The following EYA2 variants were observed in gnomAD, a reference collection of about 807,000 sequenced individuals.
EYA2 encodes EYA transcriptional coactivator and phosphatase 2, also known as protein phosphatase EYA2.
Under a neutral mutation model 69.2 loss-of-function variants are expected in EYA2, and 31 were observed. The observed-to-expected ratio is 0.45, with a 90% CI of 0.34 to 0.60. The LOEUF (loss-of-function observed/expected upper bound fraction) is 0.60, where lower values mean the gene tolerates loss of function less well. EYA2 is among the 20% of genes least tolerant of loss of function. The pLI is 0.02. For synonymous variants in EYA2, 257 were observed against 279.4 expected, an observed-to-expected ratio of 0.92 and a Z score of 0.80; for missense variants, 622 against 701.2, an observed-to-expected ratio of 0.89 and a Z score of 1.28.
chr20:46,970,593 A>G (rs1449388636), intron 1 of EYA2, among the ~76,000 whole-genome samples: 1 of 152,226 alleles, frequency 6.6e-6, no homozygotes, highest in Non-Finnish European at 1.5e-5. Flanking sequence ...ATAGGGTAAA[A>G]AAACCCAAAC....
chr20:47,069,194 G>C (rs1245232467), intron 5 of EYA2, among the ~76,000 whole-genome samples: 1 of 152,090 alleles, frequency 6.6e-6, no homozygotes, highest in Admixed American at 6.6e-5. Flanking sequence ...ATACTACCTG[G>C]TTTCAAAACT....
chr20:47,034,265 C>CT (rs1318055611), intron 5 of EYA2, among the ~76,000 whole-genome samples: 1 of 152,144 alleles, frequency 6.6e-6, no homozygotes, highest in Non-Finnish European at 1.5e-5. Flanking sequence ...ATAAAGTCTT[C>CT]TCAGACAAAT....
At chr20:46,906,641 G>A (rs1239905553) in intron 1 of EYA2, among the ~76,000 whole-genome samples, 3 of 152,190 alleles carry the variant, frequency 2.0e-5, no homozygotes, top group Non-Finnish European at 2.9e-5. Flanking sequence ...ATAATTCTAC[G>A]ATGAAAGTAC....
intron 15 of EYA2, among the ~76,000 whole-genome samples, chr20:47,186,348 C>CTTTTTTTT (rs765874138): frequency 8.3e-4 from 60 of 72,292 alleles, no homozygotes; most frequent in Non-Finnish European, 1.4e-3. Flanking sequence ...AGCACTTATT[C>CTTTTTTTT]TTTTTTTTTT....
chr20:47,124,006 G>T (rs563264092), intron 9 of EYA2, among the ~76,000 whole-genome samples: 2 of 151,798 alleles, frequency 1.3e-5, no homozygotes, highest in Non-Finnish European at 2.9e-5. Context: ...GTGGGGGAGT[G>T]GGGGGCCTAA....
At chr20:46,916,530 T>A (rs1984914220) in intron 1 of EYA2, among the ~76,000 whole-genome samples, 1 of 152,146 alleles carries the variant, frequency 6.6e-6, no homozygotes, top group Non-Finnish European at 1.5e-5. Flanking sequence ...TTTATAGACT[T>A]TGCACCAAGT....
intron 5 of EYA2, among the ~76,000 whole-genome samples, chr20:47,019,830 A>G (rs1314034094): frequency 6.6e-6 from 1 of 151,648 alleles, no homozygotes; most frequent in Non-Finnish European, 1.5e-5. Context: ...TTATCTGGGC[A>G]TGGTGATGCA....
At chr20:47,078,073 A>G (rs2031579031) in intron 7 of EYA2, among the ~76,000 whole-genome samples, 2 of 152,226 alleles carry the variant, frequency 1.3e-5, no homozygotes, top group Admixed American at 6.5e-5. Context: ...CATTCCCATC[A>G]GGAGTGAATA....
intron 1 of EYA2, among the ~76,000 whole-genome samples, chr20:46,972,324 G>T (rs1263775270): frequency 6.6e-6 from 1 of 151,072 alleles, no homozygotes; most frequent in Non-Finnish European, 1.5e-5. Flanking sequence ...GGTCATTTGG[G>T]TATTAATTAC....
chr20:47,110,814 A>G (rs1189254074), intron 9 of EYA2, among the ~76,000 whole-genome samples: 2 of 152,226 alleles, frequency 1.3e-5, no homozygotes, highest in Non-Finnish European at 2.9e-5. Context: ...TTCACCCACA[A>G]GGGAGCAGAC....
At chr20:47,114,343 C>T (rs150266802) in intron 9 of EYA2, among the ~76,000 whole-genome samples, 20 of 152,352 alleles carry the variant, frequency 1.3e-4, no homozygotes, top group African/African-American at 4.6e-4. Flanking sequence ...TGGCCGGCCA[C>T]GGTGGCTCAT....
At chr20:46,929,164 A>C (rs1446361029) in intron 1 of EYA2, among the ~76,000 whole-genome samples, 1 of 151,824 alleles carries the variant, frequency 6.6e-6, no homozygotes, top group Non-Finnish European at 1.5e-5. Context: ...AAAAAAAAAA[A>C]AAAAAAAAGA....
At chr20:47,123,126 T>C (rs2033094971) in intron 9 of EYA2, among the ~76,000 whole-genome samples, 2 of 152,246 alleles carry the variant, frequency 1.3e-5, no homozygotes, top group Admixed American at 1.3e-4. Context: ...GTACCTCCTA[T>C]GTAGTAAAGA....
At chr20:46,957,972 A>G (rs890336637) in intron 1 of EYA2, among the ~76,000 whole-genome samples, 5 of 152,098 alleles carry the variant, frequency 3.3e-5, no homozygotes, top group Admixed American at 3.3e-4. Flanking sequence ...CATGAGCTCT[A>G]CCATCCACTC....
At chr20:46,947,433 CCACACAAAA>C (rs2146270121) in intron 1 of EYA2, among the ~76,000 whole-genome samples, 1 of 152,196 alleles carries the variant, frequency 6.6e-6, no homozygotes, top group South Asian at 2.1e-4. Flanking sequence ...CACACACAAA[CCACACAAAA>C]CACATACAGA....
intron 10 of EYA2, among the ~76,000 whole-genome samples, chr20:47,151,509 C>T (rs2033822694): frequency 6.6e-6 from 1 of 151,772 alleles, no homozygotes; most frequent in Non-Finnish European, 1.5e-5. Context: ...ATCCATGCTC[C>T]CCACTACCTT....
intron 1 of EYA2, among the ~76,000 whole-genome samples, chr20:46,974,629 T>C (rs766206812): frequency 3.9e-5 from 6 of 152,054 alleles, no homozygotes; most frequent in Admixed American, 6.5e-5. Context: ...AAGCACTTCG[T>C]GTTGTCCAGC....
intron 7 of EYA2, among the ~76,000 whole-genome samples, chr20:47,082,267 A>G (rs556661263): frequency 3.9e-5 from 6 of 152,336 alleles, no homozygotes; most frequent in Non-Finnish European, 7.3e-5. Context: ...ATTTAACTTA[A>G]TTTAAAATTT....
At chr20:46,991,407 T>C (rs1167531213) in intron 2 of EYA2, among the ~76,000 whole-genome samples, 1 of 152,184 alleles carries the variant, frequency 6.6e-6, no homozygotes, top group African/African-American at 2.4e-5. Context: ...GGGTGCTGAT[T>C]GCAAGAAGGA....
Sources: gnomAD v4.1 joint callset for allele counts (sites outside exome capture counted in the v4.1 genomes callset) on GRCh38, gnomAD v4.1.1 for gene constraint, MANE v1.5 for transcripts, NCBI Gene and HGNC (gene_info 2026-07-23, HGNC 2026-07-21) for gene names.